SMARCA4: variants seen among roughly 807,000 people sequenced by gnomAD.
SMARCA4 encodes SWI/SNF related BAF chromatin remodeling complex subunit ATPase 4.
A neutral mutation model predicts 193.9 loss-of-function variants in SMARCA4; 31 were observed. The ratio of observed to expected loss-of-function variants is 0.16; its 90% CI spans 0.12 to 0.22. SMARCA4 has a LOEUF of 0.22. Ranked by LOEUF, SMARCA4 falls within the 10% of genes least tolerant of loss-of-function variation. SMARCA4 has a pLI of 1.00. For missense variants in SMARCA4, 1,148 were observed against 2,296.0 expected (o/e 0.50, Z 10.22); for synonymous variants, 942 against 933.1 (o/e 1.01, Z -0.17).
At position 11,061,762 on chromosome 19, in the gene SMARCA4, TCTC is replaced by T; in HGVS notation, c.4912-16_4912-14del. 6.2e-7 allele frequency: 1 copy of T among 1,612,832 alleles called. No homozygotes were observed. Among genetic ancestry groups the T allele is most frequent in the South Asian group, 1.1e-5 (1 of 91,078 alleles). On this transcript the variant is annotated intron_variant, in intron 34 of 34. Coordinates refer to ENST00000344626, the MANE Select transcript of SMARCA4 (RefSeq NM_003072.5). ...TGGCAGGGGTGGCCAACGCACACTC[TCTC>T]CTCCTGTCCCCTCTCCAGGACCGCT...
At position 10,973,317 on chromosome 19, in the gene SMARCA4, G is replaced by A. The variant is rs563315990; in HGVS notation, c.-31-10804G>A. 2.6e-4 allele frequency among the ~76,000 whole-genome samples: 40 copies of A among 152,250 alleles called. 2 individuals carry two copies. In the South Asian group the frequency reaches 7.9e-3, roughly 30 times the overall value. ...CAGGCTTGCAGTGTAGACACCACAC[G>A]TCCCTGTGGGGTTAGAGGACACTCC... On this transcript the variant is annotated intron_variant, in intron 1 of 34. Transcript: ENST00000344626.
At position 11,035,141 on chromosome 19, in the gene SMARCA4, T is replaced by C. The variant is rs376165296; in HGVS notation, c.4170+9T>C. On this transcript the variant is annotated intron_variant, in intron 29 of 34. Transcript: ENST00000344626. ...AGAAGCAGTGGCTCAAGGTACATGC[T>C]GGAGAGGCCCAGCAGCTGCCGCAGG... is the stretch of plus-strand genomic sequence containing the variant. 3.4e-5 allele frequency: 55 copies of C among 1,608,638 alleles called. No homozygotes were observed. The African/African-American group carries it at 6.3e-4, about 18-fold the overall frequency.
At chr19:10,961,596 C>G (rs570473028) in intron 1 of SMARCA4, 29 of 152,304 alleles carry the variant, frequency 1.9e-4, no homozygotes, top group Admixed American at 1.6e-3. Context: ...GCGTTTTTGG[C>G]GAAGCTGCGA....
intron 7 of SMARCA4, among the ~76,000 whole-genome samples, chr19:10,990,872 C>T (rs540666178): frequency 1.5e-3 from 221 of 152,342 alleles, no homozygotes; most frequent in Non-Finnish European, 2.2e-3. Flanking sequence ...GAGTGTTATA[C>T]TTCTGAATGA....
At chr19:11,023,755 G>A in intron 20 of SMARCA4, 124 bp downstream of exon 20, 1 of 720,866 alleles carries the variant, frequency 1.4e-6, no homozygotes, top group Non-Finnish European at 2.5e-6. Flanking sequence ...CAGCTTGGGG[G>A]TGGCGATGAC....
chr19:11,012,906 G>T, intron 15 of SMARCA4, 43 bp from the exon 16 acceptor site: 2 of 1,608,724 alleles, frequency 1.2e-6, no homozygotes, highest in South Asian at 2.2e-5. Flanking sequence ...TCTGGTGTCC[G>T]ACCCGGCCTT....
At chr19:11,044,042 C>G (rs1397286146) in intron 30 of SMARCA4, among the ~76,000 whole-genome samples, 1 of 152,096 alleles carries the variant, frequency 6.6e-6, no homozygotes, top group East Asian at 1.9e-4. Context: ...AGACCCTCCC[C>G]ATGTTTTATT....
At chr19:11,006,277 G>T (rs940884667) in intron 13 of SMARCA4, among the ~76,000 whole-genome samples, 3 of 152,172 alleles carry the variant, frequency 2.0e-5, no homozygotes, top group Admixed American at 6.5e-5. Flanking sequence ...ATGCAAAATC[G>T]CAGTAAAGGC....
chr19:10,990,939 CT>C (rs2086502104), intron 7 of SMARCA4, among the ~76,000 whole-genome samples: 2 of 152,340 alleles, frequency 1.3e-5, no homozygotes, highest in Admixed American at 6.5e-5. Flanking sequence ...AGAGGACCCC[CT>C]GGATAGATGT....
Position 10,968,622 on chromosome 19 carries a change from A to G in SMARCA4, c.-32+7448A>G, listed in dbSNP as rs557976972. On this transcript the variant is annotated intron_variant, in intron 1 of 34. Coordinates refer to ENST00000344626, the MANE Select transcript of SMARCA4 (RefSeq NM_003072.5). ...CTCCACTTCCTGACTAGCTGTGATT[A>G]CAGGCGTGATCCACTGTGCTAGCTC... 2.0e-5 allele frequency among the ~76,000 whole-genome samples: 3 copies of G among 152,094 alleles called. No individual in the cohort carries two copies. The East Asian group carries it at 5.8e-4, about 29-fold the overall frequency.
Position 11,033,921 on chromosome 19 carries a change from A to T in SMARCA4, c.3873+56A>T, listed in dbSNP as rs2075099423. 1 of 760,708 alleles carries T rather than the reference A, an allele frequency of 1.3e-6. No homozygotes were observed. The highest frequency in any genetic ancestry group is 2.4e-6 in the Non-Finnish European group (1 of 412,716). The allele number at this position is 760,708 out of a possible 1,614,324, so 47.1% of individuals were successfully genotyped here. A position where few individuals can be genotyped will look rare whatever the true frequency, so the allele number is the denominator to read the frequency against. On this transcript the variant is annotated intron_variant, in intron 27 of 34. Transcript: ENST00000344626. This position sits in a 1 kb window ranked among gnomAD's most constrained non-coding sequence, Gnocchi z 9.8. ...TTCAATCCTCGGCTTCTCGGCTGAG[A>T]CGGCCAGCAAGGGCCCTGGTCCCAC...
At chr19:11,052,867 T>TG (rs2076338317) in intron 30 of SMARCA4, among the ~76,000 whole-genome samples, 1 of 152,182 alleles carries the variant, frequency 6.6e-6, no homozygotes, top group Non-Finnish European at 1.5e-5. Context: ...ATGCTCTGGG[T>TG]GGTGCCATGT....
chr19:11,012,951 C>A lies in SMARCA4; in HGVS notation c.2277C>A (p.Ile759=). 1 of 1,614,130 alleles carries A rather than the reference C, an allele frequency of 6.2e-7. No individual in the cohort carries two copies. Among genetic ancestry groups the A allele is most frequent in the Middle Eastern group, 1.6e-4 (1 of 6,062 alleles). ...MVNGVLKQYQ[I]KGLEWLVSLY... is the part of the protein sequence containing the mutation. ...CGTGGCCGCATCTGTCCTTGCAGAT[C>A]AAAGGTTTGGAGTGGCTGGTGTCCC... The change falls in exon 16 of 35, where the codon ATC becomes ATA. Residue 759 remains isoleucine (I), a splice_region_variant and synonymous_variant. Transcript: ENST00000344626.
At chr19:11,023,030 C>G (rs1307700499) in intron 19 of SMARCA4, among the ~76,000 whole-genome samples, 2 of 152,164 alleles carry the variant, frequency 1.3e-5, no homozygotes, top group African/African-American at 4.8e-5. Flanking sequence ...CGTGGGAGGT[C>G]AGGGTTTCTT....
rs1485568989 is a variant in SMARCA4, at chr19:11,003,169, G to A, written c.1943+10G>A. ...TCGAGATGAACCCGGGGTGAGTTGGGCCTTGCATTCCAGATGCAGTGGGGA... is the reference window on the plus strand; with the variant it reads ...TCGAGATGAACCCGGGGTGAGTTGGACCTTGCATTCCAGATGCAGTGGGGA... On this transcript the variant is annotated intron_variant, in intron 12 of 34. Transcript: ENST00000344626. 1 of 1,614,074 alleles carries A rather than the reference G, an allele frequency of 6.2e-7. No homozygotes were observed.
At position 10,985,514 on chromosome 19, in the gene SMARCA4, A is replaced by G. The variant is rs2085948667; in HGVS notation, c.355+109A>G. The G allele has an allele frequency of 7.3e-7, 1 of 1,375,074 alleles. No homozygotes were observed. The allele number at this position is 1,375,074 out of a possible 1,614,324, so 85.2% of individuals were successfully genotyped here. On this transcript the variant is annotated intron_variant, in intron 3 of 34. Coordinates refer to ENST00000344626, the MANE Select transcript of SMARCA4 (RefSeq NM_003072.5). The surrounding 1 kb of genome is among the most constrained non-coding windows in gnomAD (Gnocchi z 4.5). ...ATGGATTCAGGGAGTACCTAGGATG[A>G]TGTAGCCGGGTGGGTGGCCCGCCAC... is the stretch of plus-strand genomic sequence containing the variant.
chr19:10,986,440 G>A lies in SMARCA4; in HGVS notation c.607G>A (p.Ala203Thr), dbSNP rs2086039624. 1 of 1,567,738 alleles carries A rather than the reference G, an allele frequency of 6.4e-7. No individual in the cohort carries two copies. Among genetic ancestry groups the A allele is most frequent in the Non-Finnish European group, 8.6e-7 (1 of 1,157,026 alleles). ...GQPLPDHLQMAVQGKRPMPGM... is the reference protein window; with the variant it reads ...GQPLPDHLQMTVQGKRPMPGM... Reference sequence around the variant, plus strand: ...GCCCCTCCCCGACCACCTGCAGATGGCGGTGCAGGGCAAGCGGCCGATGCC... The same window carrying A: ...GCCCCTCCCCGACCACCTGCAGATGACGGTGCAGGGCAAGCGGCCGATGCC... Residue 203 changes from alanine to threonine, a missense_variant, in exon 4 of 35, where the codon GCG becomes ACG. Coordinates refer to ENST00000344626, the MANE Select transcript of SMARCA4 (RefSeq NM_003072.5). This position sits in a 1 kb window ranked among gnomAD's most constrained non-coding sequence, Gnocchi z 6.7.
intron 13 of SMARCA4, 101 bp downstream of exon 13, chr19:11,003,498 T>C: frequency 8.6e-7 from 1 of 1,161,078 alleles, no homozygotes; most frequent in Non-Finnish European, 1.3e-6. Context: ...GGGCATCTTG[T>C]GGGGCAGGGA....
rs570809950 is a variant in SMARCA4, at chr19:11,034,070, C to T, written c.3874-53C>T. 1.3e-5 allele frequency: 19 copies of T among 1,450,700 alleles called. No individual in the cohort carries two copies. The highest frequency in any genetic ancestry group is 1.7e-4 in the Middle Eastern group (1 of 5,766). The allele number at this position is 1,450,700 out of a possible 1,614,324, so 89.9% of individuals were successfully genotyped here. A position where few individuals can be genotyped will look rare whatever the true frequency, so the allele number is the denominator to read the frequency against. Reference sequence around the variant, plus strand: ...GCCGCCGCTCGCCTCTGAGCTCGGCCGCCGCCCACCCCGGCCCCTCCTCAG... The same window carrying T: ...GCCGCCGCTCGCCTCTGAGCTCGGCTGCCGCCCACCCCGGCCCCTCCTCAG... On this transcript the variant is annotated intron_variant, in intron 27 of 34. Coordinates refer to ENST00000344626, the MANE Select transcript of SMARCA4 (RefSeq NM_003072.5). The surrounding 1 kb of genome is among the most constrained non-coding windows in gnomAD (Gnocchi z 7.0).
Sources: gnomAD v4.1 joint callset for allele counts (sites outside exome capture counted in the v4.1 genomes callset) on GRCh38, gnomAD v4.1.1 for gene constraint, Gnocchi (gnomAD v3.1) non-coding constraint, MANE v1.5 for transcripts, NCBI Gene and HGNC (gene_info 2026-07-23, HGNC 2026-07-21) for gene names.